The following C8orf34 variants were observed in gnomAD, a reference collection of about 807,000 sequenced individuals.
C8orf34 encodes chromosome 8 open reading frame 34.
C8orf34 carries 65 observed loss-of-function variants against 68.3 expected under a neutral mutation model. That is an observed-to-expected ratio of 0.95 (90% CI 0.78 to 1.17). The LOEUF (loss-of-function observed/expected upper bound fraction) is 1.17. Ranked by LOEUF, C8orf34 falls within the 50% of genes most tolerant of loss-of-function variation. The pLI, the probability that C8orf34 is intolerant of heterozygous loss-of-function variation, is 0.00. For synonymous variants in C8orf34, 244 were observed against 241.2 expected (o/e 1.01, Z -0.11); for missense variants, 664 against 655.4 (o/e 1.01, Z -0.14).
intron 1 of C8orf34, among the ~76,000 whole-genome samples, chr8:68,426,518 C>CAAAAAA (rs753578060): frequency 2.0e-3 from 59 of 29,612 alleles, no homozygotes; most frequent in African/African-American, 3.2e-3. Flanking sequence ...GACCTTGTCT[C>CAAAAAA]AAAAAAAAAA....
chr8:68,701,515 T>G (rs1200549513), intron 8 of C8orf34, among the ~76,000 whole-genome samples: 1 of 123,184 alleles, frequency 8.1e-6, no homozygotes, highest in Non-Finnish European at 1.8e-5. Flanking sequence ...ATATTCACAT[T>G]TTTTTTTCCC....
intron 7 of C8orf34, among the ~76,000 whole-genome samples, chr8:68,624,515 T>C (rs556222961): frequency 6.6e-6 from 1 of 152,314 alleles, no homozygotes; most frequent in Admixed American, 6.5e-5. Context: ...TTCCAGTTAA[T>C]ACTTGGGTGC....
intron 3 of C8orf34, among the ~76,000 whole-genome samples, chr8:68,448,667 C>G (rs1300898457): frequency 6.6e-6 from 1 of 151,888 alleles, no homozygotes; most frequent in African/African-American, 2.4e-5. Context: ...AATTGGACAC[C>G]AATATTGTAA....
intron 8 of C8orf34, among the ~76,000 whole-genome samples, chr8:68,658,377 A>G (rs11780828): frequency 0.18 from 27,016 of 152,010 alleles, 2,935 homozygotes; most frequent in East Asian, 0.56. Flanking sequence ...TTTGGCCATC[A>G]TTGTTGCTGG....
At chr8:68,400,318 A>G (rs1379875883) in intron 1 of C8orf34, among the ~76,000 whole-genome samples, 1 of 152,064 alleles carries the variant, frequency 6.6e-6, no homozygotes, top group Non-Finnish European at 1.5e-5. Flanking sequence ...TTTAAGTTCT[A>G]GTCCATCTAG....
intron 7 of C8orf34, among the ~76,000 whole-genome samples, chr8:68,553,040 T>G (rs1347328912): frequency 1.3e-5 from 2 of 152,180 alleles, no homozygotes; most frequent in South Asian, 2.1e-4. Context: ...AATGCCTTTA[T>G]CTGGTTTTGG....
intron 10 of C8orf34, among the ~76,000 whole-genome samples, chr8:68,723,583 T>A (rs908027692): frequency 6.6e-6 from 1 of 152,172 alleles, no homozygotes; most frequent in Non-Finnish European, 1.5e-5. Flanking sequence ...TAAACTTTAG[T>A]ATTTCTCCAT....
At chr8:68,771,456 T>A (rs996470861) in intron 10 of C8orf34, among the ~76,000 whole-genome samples, 5 of 152,168 alleles carry the variant, frequency 3.3e-5, no homozygotes, top group Admixed American at 3.3e-4. Context: ...ATATATGATG[T>A]TGATATCTCT....
At chr8:68,775,759 A>G (rs555487997) in intron 10 of C8orf34, among the ~76,000 whole-genome samples, 40 of 152,290 alleles carry the variant, frequency 2.6e-4, no homozygotes, top group Middle Eastern at 6.8e-3. Context: ...ATGTTACACA[A>G]TTTGTTTAGC....
intron 6 of C8orf34, among the ~76,000 whole-genome samples, chr8:68,524,095 A>C (rs1302066545): frequency 6.6e-6 from 1 of 151,968 alleles, no homozygotes; most frequent in African/African-American, 2.4e-5. Context: ...TCCTATCTCA[A>C]TTTTTCTCTA....
chr8:68,784,034 T>C (rs946993583), intron 11 of C8orf34, among the ~76,000 whole-genome samples: 1 of 152,204 alleles, frequency 6.6e-6, no homozygotes, highest in African/African-American at 2.4e-5. Flanking sequence ...AGACCAGTAT[T>C]GATACATTAT....
intron 7 of C8orf34, among the ~76,000 whole-genome samples, chr8:68,587,317 A>G (rs1452037462): frequency 2.0e-5 from 3 of 152,176 alleles, no homozygotes; most frequent in Non-Finnish European, 4.4e-5. Flanking sequence ...CAGATAATCT[A>G]TAAGTAATAG....
intron 7 of C8orf34, among the ~76,000 whole-genome samples, chr8:68,616,964 G>T (rs1309399999): frequency 1.3e-5 from 2 of 152,196 alleles, no homozygotes; most frequent in South Asian, 2.1e-4. Context: ...TTATGAATCT[G>T]GGTGTTCCTG....
chr8:68,393,802 G>A (rs1041880051), intron 1 of C8orf34, among the ~76,000 whole-genome samples: 1 of 152,090 alleles, frequency 6.6e-6, no homozygotes, highest in African/African-American at 2.4e-5. Context: ...AATAAGTTGT[G>A]AGAGCTTCAC....
chr8:68,652,098 C>T (rs1318833037), intron 8 of C8orf34, among the ~76,000 whole-genome samples: 4 of 152,168 alleles, frequency 2.6e-5, no homozygotes, highest in Non-Finnish European at 5.9e-5. Context: ...TGATCCCCCA[C>T]ACCTCCTTTA....
At chr8:68,643,367 T>G (rs954031538) in intron 8 of C8orf34, among the ~76,000 whole-genome samples, 3 of 152,206 alleles carry the variant, frequency 2.0e-5, no homozygotes, top group Admixed American at 2.0e-4. Flanking sequence ...ATAAACAGAA[T>G]CACGGTGGGG....
At chr8:68,812,375 A>T (rs1281771337) in intron 12 of C8orf34, among the ~76,000 whole-genome samples, 1 of 152,184 alleles carries the variant, frequency 6.6e-6, no homozygotes, top group African/African-American at 2.4e-5. Context: ...CTTGTTTTGA[A>T]ATGTTGACTA....
At chr8:68,818,182 C>T (rs1161404791) in intron 13 of C8orf34, 57 bp from the exon 14 acceptor site, 9 of 1,578,618 alleles carry the variant, frequency 5.7e-6, no homozygotes, top group African/African-American at 2.7e-5. Flanking sequence ...TTTTAATATG[C>T]TATAATGTAA....
intron 12 of C8orf34, among the ~76,000 whole-genome samples, chr8:68,808,891 C>A (rs1824564776): frequency 6.6e-6 from 1 of 151,896 alleles, no homozygotes; most frequent in Non-Finnish European, 1.5e-5. Flanking sequence ...ACATAATATT[C>A]TTACTCCTTT....
Sources: gnomAD v4.1 joint callset for allele counts (sites outside exome capture counted in the v4.1 genomes callset) on GRCh38, gnomAD v4.1.1 for gene constraint, MANE v1.5 for transcripts, NCBI Gene and HGNC (gene_info 2026-07-23, HGNC 2026-07-21) for gene names.